GTF2A1L: variants seen among roughly 807,000 people sequenced by gnomAD.
The protein encoded by GTF2A1L is TFIIA-alpha and beta-like factor.
In GTF2A1L, 48 loss-of-function variants were observed where a neutral mutation model predicts 49.7. The ratio of observed to expected loss-of-function variants is 0.97; its 90% CI spans 0.77 to 1.23. GTF2A1L has a LOEUF of 1.23. GTF2A1L is among the 50% of genes most tolerant of loss of function. The pLI is 0.00. For missense variants in GTF2A1L, 736 were observed against 564.8 expected (o/e 1.30, Z -3.07); for synonymous variants, 246 against 193.5 (o/e 1.27, Z -2.25).
intron 3 of GTF2A1L, among the ~76,000 whole-genome samples, chr2:48,621,822 A>G (rs2104061046): frequency 6.6e-6 from 1 of 152,354 alleles, no homozygotes. Flanking sequence ...GGACTTAGCA[A>G]ATCTAGACTT....
At chr2:48,635,969 C>T (rs1267688428) in intron 3 of GTF2A1L, among the ~76,000 whole-genome samples, 4 of 152,130 alleles carry the variant, frequency 2.6e-5, no homozygotes, top group Non-Finnish European at 1.5e-5. Context: ...AAAGGTGAGT[C>T]ACTGAGGGAG....
In GTF2A1L at chr2:48,670,134, T is replaced by C; in HGVS notation, c.1239+152T>C. Reference sequence around the variant, plus strand: ...GGGGCCGGGCACGGTGGCTCACACATGTAATCCCAGCACTTCAGGAGGCTG... The same window carrying C: ...GGGGCCGGGCACGGTGGCTCACACACGTAATCCCAGCACTTCAGGAGGCTG... On this transcript the variant is annotated intron_variant, in intron 7 of 8. Coordinates refer to ENST00000403751, the MANE Select transcript of GTF2A1L (RefSeq NM_006872.5). 2.5e-6 allele frequency: 3 copies of C among 1,176,870 alleles called. No homozygotes were observed. In the South Asian group the frequency reaches 5.9e-5, roughly 23 times the overall value. The allele number at this position is 1,176,870 out of a possible 1,614,324, so 72.9% of individuals were successfully genotyped here. A position where few individuals can be genotyped will look rare whatever the true frequency, so the allele number is the denominator to read the frequency against.
intron 6 of GTF2A1L, among the ~76,000 whole-genome samples, chr2:48,665,910 T>A (rs1315517759): frequency 6.6e-6 from 1 of 152,170 alleles, no homozygotes; most frequent in African/African-American, 2.4e-5. Context: ...TTTTAAGTCT[T>A]CACCTGTAAT....
At chr2:48,635,160 G>A (rs1438943469) in intron 3 of GTF2A1L, among the ~76,000 whole-genome samples, 3 of 152,112 alleles carry the variant, frequency 2.0e-5, no homozygotes, top group Non-Finnish European at 4.4e-5. Flanking sequence ...GGGGTGGGAT[G>A]ACTCAGGCTA....
At chr2:48,650,684 A>C (rs1295852451) in intron 6 of GTF2A1L, among the ~76,000 whole-genome samples, 2 of 152,192 alleles carry the variant, frequency 1.3e-5, no homozygotes, top group African/African-American at 4.8e-5. Context: ...TCTTCATTAT[A>C]AGAAGAAAGC....
intron 1 of GTF2A1L, among the ~76,000 whole-genome samples, chr2:48,619,074 C>A (rs1273583093): frequency 6.6e-6 from 1 of 152,180 alleles, no homozygotes; most frequent in Admixed American, 6.5e-5. Flanking sequence ...AGTCTTAATG[C>A]ATGTGCTTGT....
rs1676273645 is a variant in GTF2A1L at position 48,626,047 on chromosome 2, G to A, written c.247+4757G>A. Among the ~76,000 whole-genome samples the A allele has an allele frequency of 1.4e-5, 2 of 143,784 alleles. 1 individual carries two copies. The highest frequency in any genetic ancestry group is 3.1e-5 in the Non-Finnish European group (2 of 63,858). The allele number at this position is 143,784 out of a possible 152,430, so 94.3% of individuals were successfully genotyped here. ...CTATTTTGAATTGATTTTTATGTAT[G>A]GTATGAAAATAAGAGTCCATTTCAT... On this transcript the variant is annotated intron_variant, in intron 3 of 8. Transcript: ENST00000403751.
At chr2:48,674,541 A>T (rs1679360935) in intron 8 of GTF2A1L, among the ~76,000 whole-genome samples, 3 of 152,188 alleles carry the variant, frequency 2.0e-5, no homozygotes, top group Non-Finnish European at 4.4e-5. Flanking sequence ...ACAAATATAA[A>T]CATAAGAAGG....
At chr2:48,624,274 A>T (rs1676180234) in intron 3 of GTF2A1L, among the ~76,000 whole-genome samples, 1 of 144,690 alleles carries the variant, frequency 6.9e-6, no homozygotes. Context: ...TTAAAAATTT[A>T]ATTACATGTT....
chr2:48,618,316 C>T (rs1415762652), intron 1 of GTF2A1L, among the ~76,000 whole-genome samples: 1 of 152,122 alleles, frequency 6.6e-6, no homozygotes, highest in African/African-American at 2.4e-5. Flanking sequence ...TGTTACCTCC[C>T]CACATGTTTT....
At chr2:48,656,655 C>G (rs1317904492) in intron 6 of GTF2A1L, among the ~76,000 whole-genome samples, 1 of 151,996 alleles carries the variant, frequency 6.6e-6, no homozygotes, top group African/African-American at 2.4e-5. Context: ...TGCCTTTACT[C>G]TCTGTTAATA....
intron 3 of GTF2A1L, among the ~76,000 whole-genome samples, chr2:48,638,096 C>A (rs1677001904): frequency 6.6e-6 from 1 of 152,070 alleles, no homozygotes; most frequent in Admixed American, 6.6e-5. Flanking sequence ...AAATAGCCTA[C>A]CAACCAAAAA....
chr2:48,666,539 GT>G (rs2104292050), intron 6 of GTF2A1L, among the ~76,000 whole-genome samples: 1 of 151,802 alleles, frequency 6.6e-6, no homozygotes, highest in East Asian at 1.9e-4. Flanking sequence ...TAAATGAGAT[GT>G]TTAGGCCATT....
intron 3 of GTF2A1L, 58 bp downstream of exon 3, chr2:48,621,348 G>A: frequency 6.2e-7 from 1 of 1,610,486 alleles, no homozygotes; most frequent in Non-Finnish European, 8.5e-7. Flanking sequence ...TTCTCATTTG[G>A]GAATGTTTTT....
chr2:48,644,048 G>A (rs1477541003), intron 4 of GTF2A1L, among the ~76,000 whole-genome samples: 1 of 152,130 alleles, frequency 6.6e-6, no homozygotes, highest in Non-Finnish European at 1.5e-5. Flanking sequence ...GTGTGTGCCT[G>A]TAGTCCTGGC....
At chr2:48,652,654 A>G (rs1429209193) in intron 6 of GTF2A1L, among the ~76,000 whole-genome samples, 2 of 151,500 alleles carry the variant, frequency 1.3e-5, no homozygotes, top group Non-Finnish European at 2.9e-5. Context: ...CATGTGGTTT[A>G]GGCCTAGGAC....
intron 6 of GTF2A1L, among the ~76,000 whole-genome samples, chr2:48,651,728 G>A (rs1308745257): frequency 5.9e-5 from 9 of 152,130 alleles, no homozygotes; most frequent in Non-Finnish European, 1.3e-4. Context: ...AAAAATGTAG[G>A]CAGAATATTA....
chr2:48,657,619 A>G (rs1678254848), intron 6 of GTF2A1L, among the ~76,000 whole-genome samples: 1 of 152,188 alleles, frequency 6.6e-6, no homozygotes, highest in Non-Finnish European at 1.5e-5. Flanking sequence ...GTATATATCC[A>G]GTAATGGGAT....
intron 3 of GTF2A1L, among the ~76,000 whole-genome samples, chr2:48,629,207 C>G (rs1230759911): frequency 2.1e-5 from 3 of 142,132 alleles, no homozygotes; most frequent in African/African-American, 7.5e-5. Context: ...TGTCACCGCA[C>G]TCTAGCCTGG....
Sources: allele counts gnomAD v4.1 joint callset (sites outside exome capture counted in the v4.1 genomes callset), GRCh38; gene constraint gnomAD v4.1.1; transcripts MANE v1.5; gene names NCBI Gene and HGNC (gene_info 2026-07-23, HGNC 2026-07-21).